The following SYCP1 variants were observed in gnomAD, a reference collection of about 807,000 sequenced individuals.
SYCP1 encodes cancer/testis antigen 8.
In SYCP1, 64 loss-of-function variants were observed where a neutral mutation model predicts 153.1. That is an observed-to-expected ratio of 0.42 (90% CI 0.34 to 0.51). The LOEUF is 0.51. SYCP1 is among the 20% of genes least tolerant of loss of function. SYCP1 has a pLI of 0.06. For synonymous variants in SYCP1, 384 were observed against 341.8 expected (o/e 1.12, Z -1.36); for missense variants, 997 against 1,049.0 (o/e 0.95, Z 0.68).
At chr1:114,902,285 A>G (rs1357044320) in intron 16 of SYCP1, among the ~76,000 whole-genome samples, 1 of 152,178 alleles carries the variant, frequency 6.6e-6, no homozygotes, top group Non-Finnish European at 1.5e-5. Context: ...CGAAAGAGAA[A>G]AAGATGTTTT....
At chr1:114,875,268 T>C (rs1443406395) in intron 9 of SYCP1, among the ~76,000 whole-genome samples, 1 of 147,892 alleles carries the variant, frequency 6.8e-6, no homozygotes, top group East Asian at 1.9e-4. Flanking sequence ...CTTCTTTTTT[T>C]TTTTTTTTTT....
At chr1:114,909,288 T>C (rs1360079503) in intron 16 of SYCP1, among the ~76,000 whole-genome samples, 1 of 144,502 alleles carries the variant, frequency 6.9e-6, no homozygotes, top group Admixed American at 6.7e-5. Context: ...GTTTCTATTG[T>C]AGTTTTAGCT....
intron 27 of SYCP1, among the ~76,000 whole-genome samples, chr1:114,969,817 C>T (rs1192489330): frequency 6.6e-6 from 1 of 152,146 alleles, no homozygotes; most frequent in Non-Finnish European, 1.5e-5. Context: ...TTGCAGAAAC[C>T]ATAAGAAAAA....
At chr1:114,873,647 G>A (rs1009374952) in intron 8 of SYCP1, among the ~76,000 whole-genome samples, 12 of 152,216 alleles carry the variant, frequency 7.9e-5, no homozygotes, top group African/African-American at 2.7e-4. Context: ...CCTGTTAGAA[G>A]CACAAGGGGA....
At chr1:114,943,247 G>C (rs1000712495) in intron 23 of SYCP1, among the ~76,000 whole-genome samples, 19 of 151,812 alleles carry the variant, frequency 1.3e-4, no homozygotes, top group Non-Finnish European at 2.5e-4. Context: ...CCAATCCTAG[G>C]TATATACTAT....
intron 23 of SYCP1, among the ~76,000 whole-genome samples, chr1:114,932,342 G>T (rs187552618): frequency 9.9e-5 from 15 of 152,184 alleles, no homozygotes; most frequent in African/African-American, 3.6e-4. Flanking sequence ...AATAACTCTT[G>T]AAACTCAATA....
chr1:114,895,355 TC>T (rs1166230719), intron 15 of SYCP1, 92 bp from the exon 16 acceptor site: 2 of 674,662 alleles, frequency 3.0e-6, no homozygotes, highest in Middle Eastern at 2.7e-4. Flanking sequence ...TCCTGATTTT[TC>T]CCTTTTGCGT....
At chr1:114,854,723 A>G (rs955070029), upstream of SYCP1, 1 of 152,220 alleles carries the variant, frequency 6.6e-6, no homozygotes, top group Non-Finnish European at 1.5e-5. Flanking sequence ...AGAAGCCTAA[A>G]GAACTTCCAC....
At chr1:114,871,157 C>A (rs902567787) in intron 8 of SYCP1, among the ~76,000 whole-genome samples, 1 of 151,830 alleles carries the variant, frequency 6.6e-6, no homozygotes, top group Non-Finnish European at 1.5e-5. Context: ...ATTCTTTCCT[C>A]CCATCTTTTT....
chr1:114,918,086 G>A (rs779450988), intron 20 of SYCP1, among the ~76,000 whole-genome samples: 12 of 151,876 alleles, frequency 7.9e-5, no homozygotes, highest in Non-Finnish European at 1.2e-4. Context: ...GAGTTTCCTC[G>A]ACGGTTTCTT....
intron 15 of SYCP1, among the ~76,000 whole-genome samples, chr1:114,894,677 CA>C (rs1404775432): frequency 2.6e-5 from 4 of 151,784 alleles, no homozygotes; most frequent in African/African-American, 4.8e-5. Flanking sequence ...AGTGCAAAAT[CA>C]AAGAGGAAAA....
chr1:114,884,126 A>G (rs1471053384), intron 12 of SYCP1, among the ~76,000 whole-genome samples: 1 of 152,194 alleles, frequency 6.6e-6, no homozygotes, highest in African/African-American at 2.4e-5. Context: ...ATTGTTTTGC[A>G]TGGTCTTCAT....
chr1:114,935,944 C>A (rs891146780), intron 23 of SYCP1, among the ~76,000 whole-genome samples: 2 of 152,086 alleles, frequency 1.3e-5, no homozygotes, highest in Non-Finnish European at 2.9e-5. Flanking sequence ...CAGGACCAGA[C>A]GGAGTCACAG....
intron 8 of SYCP1, 64 bp from the exon 9 acceptor site, chr1:114,874,442 T>G (rs1665377864): frequency 1.1e-5 from 10 of 946,236 alleles, no homozygotes; most frequent in Admixed American, 7.0e-5. Context: ...GGAGGCATTT[T>G]GAGTATTGTC....
intron 8 of SYCP1, among the ~76,000 whole-genome samples, chr1:114,870,214 C>T (rs1319590066): frequency 1.3e-5 from 2 of 151,940 alleles, no homozygotes; most frequent in East Asian, 1.9e-4. Context: ...GGGTTTGCTA[C>T]GTTGCCTAGG....
chr1:114,860,733 C>T lies in SYCP1; in HGVS notation c.525-3C>T, dbSNP rs1458469064. On this transcript the variant is annotated splice_polypyrimidine_tract_variant and splice_region_variant and intron_variant, in intron 7 of 31. Coordinates refer to ENST00000369522, the MANE Select transcript of SYCP1 (RefSeq NM_003176.4). ...CACAGGCAAACTCTTTCCTTTGTTT[C>T]AGGAATAATGCCACAAGGCATTTAT... is the stretch of plus-strand genomic sequence containing the variant. 2 of 1,590,498 alleles carry T rather than the reference C, an allele frequency of 1.3e-6. No homozygotes were observed. The highest frequency in any genetic ancestry group is 1.7e-6 in the Non-Finnish European group (2 of 1,170,976).
intron 8 of SYCP1, among the ~76,000 whole-genome samples, chr1:114,861,112 C>A (rs967305139): frequency 6.6e-6 from 1 of 151,994 alleles, no homozygotes; most frequent in East Asian, 1.9e-4. Context: ...GAAATTCAAT[C>A]GAGAATAAGA....
At chr1:114,959,967 C>T (rs1305581446) in intron 27 of SYCP1, among the ~76,000 whole-genome samples, 2 of 152,100 alleles carry the variant, frequency 1.3e-5, no homozygotes, top group African/African-American at 2.4e-5. Context: ...GTATGCACCA[C>T]ATTTTCTTTA....
At chr1:114,863,028 G>T (rs774193159) in intron 8 of SYCP1, 7 of 152,140 alleles carry the variant, frequency 4.6e-5, no homozygotes, top group Non-Finnish European at 7.3e-5. Flanking sequence ...TCTTTATCCA[G>T]TCTGTCATTG....
Sources: gnomAD v4.1 joint callset for allele counts (sites outside exome capture counted in the v4.1 genomes callset) on GRCh38, gnomAD v4.1.1 for gene constraint, MANE v1.5 for transcripts, NCBI Gene and HGNC (gene_info 2026-07-23, HGNC 2026-07-21) for gene names.